Variants in GPR39 observed in about 807,000 individuals in gnomAD.
GPR39 encodes G protein-coupled receptor 39.
Under a neutral mutation model 18.4 loss-of-function variants are expected in GPR39, and 23 were observed. The observed-to-expected ratio is 1.25, with a 90% CI of 0.90 to 1.77. The LOEUF (loss-of-function observed/expected upper bound fraction) is 1.77. GPR39 is among the 40% of genes most tolerant of loss of function. The probability of loss-of-function intolerance (pLI) is 0.00; values close to 1 mark genes in which losing one functional copy is unlikely to be tolerated. For missense variants in GPR39, 647 were observed against 602.4 expected, an observed-to-expected ratio of 1.07 and a Z score of -0.78; for synonymous variants, 280 against 257.9, an observed-to-expected ratio of 1.09 and a Z score of -0.82.
chr2:132,480,792 C>T (rs1681219225), intron 1 of GPR39, among the ~76,000 whole-genome samples: 1 of 152,178 alleles, frequency 6.6e-6, no homozygotes, highest in South Asian at 2.1e-4. Context: ...TCTAATTATA[C>T]TGTGTGCTAA....
At chr2:132,522,637 A>G (rs1301893378) in intron 1 of GPR39, among the ~76,000 whole-genome samples, 1 of 152,206 alleles carries the variant, frequency 6.6e-6, no homozygotes, top group Non-Finnish European at 1.5e-5. Context: ...GGGGACAGCA[A>G]GATTGGGCCC....
intron 1 of GPR39, among the ~76,000 whole-genome samples, chr2:132,609,797 C>G (rs1036697483): frequency 6.6e-6 from 1 of 152,162 alleles, no homozygotes; most frequent in Non-Finnish European, 1.5e-5. Context: ...CGCTCAACCT[C>G]AAGACAAGAG....
intron 1 of GPR39, among the ~76,000 whole-genome samples, chr2:132,438,362 G>A (rs1573602226): frequency 6.6e-6 from 1 of 152,038 alleles, no homozygotes; most frequent in Admixed American, 6.6e-5. Context: ...TTGAACTCCT[G>A]GGCTCAAGTG....
chr2:132,425,161 C>T (rs1037657318), intron 1 of GPR39, among the ~76,000 whole-genome samples: 2 of 152,202 alleles, frequency 1.3e-5, no homozygotes, highest in African/African-American at 4.8e-5. Flanking sequence ...TAGCATTCTG[C>T]ATATGATATA....
chr2:132,565,474 T>C (rs925836564), intron 1 of GPR39, among the ~76,000 whole-genome samples: 2 of 150,754 alleles, frequency 1.3e-5, no homozygotes. Context: ...TATGTATACA[T>C]GTGCCATGCT....
intron 1 of GPR39, among the ~76,000 whole-genome samples, chr2:132,460,677 A>G (rs10180610): frequency 1.3e-5 from 2 of 152,132 alleles, no homozygotes; most frequent in Non-Finnish European, 2.9e-5. Context: ...TGCTTAAAAC[A>G]TGATGGATTT....
chr2:132,533,551 G>C (rs148145432), intron 1 of GPR39, among the ~76,000 whole-genome samples: 40,766 of 147,884 alleles, frequency 0.28, 6,490 homozygotes, highest in East Asian at 0.69. Context: ...AATCCTAAGC[G>C]AAAAGAACAA....
chr2:132,583,440 T>G (rs1015999371), intron 1 of GPR39, among the ~76,000 whole-genome samples: 13 of 151,516 alleles, frequency 8.6e-5, no homozygotes, highest in Admixed American at 6.6e-5. Flanking sequence ...AATAGACTCT[T>G]GTAAGAACTC....
chr2:132,640,190 T>C (rs1681835154), intron 1 of GPR39, among the ~76,000 whole-genome samples: 1 of 152,198 alleles, frequency 6.6e-6, no homozygotes, highest in South Asian at 2.1e-4. Context: ...GAGCATGGTG[T>C]CAGATACATC....
rs530057281 is a variant in GPR39, at chr2:132,519,529, T to C, written c.856+101631T>C. On this transcript the variant is annotated intron_variant, in intron 1 of 1. Coordinates refer to ENST00000329321, the MANE Select transcript of GPR39 (RefSeq NM_001508.3). ...AATGTTTAATAGGAATTCTGAGGCG[T>C]AATGCAAGGACTCACTGAACTTGAT... 3.3e-5 allele frequency among the ~76,000 whole-genome samples: 5 copies of C among 152,332 alleles called. No homozygotes were observed. In the South Asian group the frequency reaches 8.3e-4, roughly 25 times the overall value.
chr2:132,559,930 A>G (rs1183948392), intron 1 of GPR39, among the ~76,000 whole-genome samples: 4 of 152,036 alleles, frequency 2.6e-5, no homozygotes, highest in African/African-American at 9.7e-5. Context: ...GACATGGAGC[A>G]TGGAGCTAGG....
intron 1 of GPR39, among the ~76,000 whole-genome samples, chr2:132,553,567 T>C (rs1680094773): frequency 6.6e-6 from 1 of 151,860 alleles, no homozygotes; most frequent in Non-Finnish European, 1.5e-5. Context: ...ACACAACCAC[T>C]GGATGAGATA....
intron 1 of GPR39, among the ~76,000 whole-genome samples, chr2:132,634,808 C>G (rs78203166): frequency 0.033 from 5,050 of 152,310 alleles, 253 homozygotes; most frequent in African/African-American, 0.11. Context: ...TCTGATATGT[C>G]TTTGGTAAAC....
At chr2:132,548,884 T>C (rs1362204386) in intron 1 of GPR39, among the ~76,000 whole-genome samples, 1 of 152,246 alleles carries the variant, frequency 6.6e-6, no homozygotes, top group African/African-American at 2.4e-5. Flanking sequence ...TGACTGCCTA[T>C]ACATTCACAT....
chr2:132,424,223 G>A (rs1199329404), intron 1 of GPR39, among the ~76,000 whole-genome samples: 38 of 152,216 alleles, frequency 2.5e-4, no homozygotes, highest in Admixed American at 2.5e-3. Flanking sequence ...TGAACAAGAT[G>A]TTAAATGCAA....
chr2:132,597,820 C>CT (rs1202415855), intron 1 of GPR39, among the ~76,000 whole-genome samples: 3 of 152,212 alleles, frequency 2.0e-5, no homozygotes, highest in Admixed American at 6.5e-5. Context: ...AGTCCAAACA[C>CT]TATTGACCCA....
At chr2:132,563,884 A>AGGT (rs1285834089) in intron 1 of GPR39, among the ~76,000 whole-genome samples, 1 of 148,896 alleles carries the variant, frequency 6.7e-6, no homozygotes, top group Admixed American at 6.6e-5. Context: ...AATTGCCTGG[A>AGGT]GGTGCCTGGG....
chr2:132,427,892 AT>A (rs1372925189), intron 1 of GPR39, among the ~76,000 whole-genome samples: 1 of 140,822 alleles, frequency 7.1e-6, no homozygotes, highest in Non-Finnish European at 1.5e-5. Context: ...TATATATAAT[AT>A]ATATATAATA....
At chr2:132,495,811 C>T (rs926390610) in intron 1 of GPR39, among the ~76,000 whole-genome samples, 23 of 151,950 alleles carry the variant, frequency 1.5e-4, no homozygotes, top group Non-Finnish European at 3.1e-4. Context: ...CACCCCCTCT[C>T]TTCTCTTCCC....
Sources: allele counts gnomAD v4.1 joint callset (sites outside exome capture counted in the v4.1 genomes callset), GRCh38; gene constraint gnomAD v4.1.1; transcripts MANE v1.5; gene names NCBI Gene and HGNC (gene_info 2026-07-23, HGNC 2026-07-21).